The following NEMP2 variants were observed in gnomAD, a reference collection of about 807,000 sequenced individuals.
The protein encoded by NEMP2 is UPF0571 transmembrane protein.
NEMP2 carries 53 observed loss-of-function variants against 54.2 expected under a neutral mutation model. The observed-to-expected ratio is 0.98, with a 90% CI of 0.78 to 1.23. NEMP2 has a LOEUF of 1.23. Ranked by LOEUF, NEMP2 falls within the 50% of genes most tolerant of loss-of-function variation. The pLI is 0.00. For missense variants in NEMP2, 455 were observed against 511.3 expected, an observed-to-expected ratio of 0.89 and a Z score of 1.06; for synonymous variants, 197 against 190.3, an observed-to-expected ratio of 1.04 and a Z score of -0.29.
At chr2:190,478,112 T>A in the NEMP2 span, among the ~76,000 whole-genome samples, 1,849 of 152,294 alleles carry the variant, frequency 0.012, 37 homozygotes, top group African/African-American at 0.042. Flanking sequence ...TATCCCAGGA[T>A]TTAGGGAGCT....
the NEMP2 span, among the ~76,000 whole-genome samples, chr2:190,475,796 A>G: frequency 6.6e-6 from 1 of 152,210 alleles, no homozygotes; most frequent in African/African-American, 2.4e-5. Context: ...GCATCACACT[A>G]CCTGACTTCA....
At chr2:190,462,234 T>C in the NEMP2 span, among the ~76,000 whole-genome samples, 2,739 of 152,236 alleles carry the variant, frequency 0.018, 43 homozygotes, top group Non-Finnish European at 0.028. The surrounding 1 kb of genome is among the most constrained non-coding windows in gnomAD (Gnocchi z 5.7). Flanking sequence ...ATAACCATTG[T>C]TTTAAGAGAT....
chr2:190,463,776 C>T, the NEMP2 span: 20 of 648,302 alleles, frequency 3.1e-5, no homozygotes, highest in Middle Eastern at 7.8e-4. This position sits in a 1 kb window ranked among gnomAD's most constrained non-coding sequence, Gnocchi z 4.4. Context: ...GCTGTGATGA[C>T]GCTACTGCAC....
At chr2:190,500,066 C>G, downstream of NEMP2, 1 of 1,614,190 alleles carries the variant, frequency 6.2e-7, no homozygotes, top group East Asian at 2.2e-5. This position sits in a 1 kb window ranked among gnomAD's most constrained non-coding sequence, Gnocchi z 5.3. Context: ...CCAGCCTGTC[C>G]CATGTGAGAC....
chr2:190,505,827 G>C lies in NEMP2; in HGVS notation c.*3362C>G, dbSNP rs1243035700. The C allele has an allele frequency of 6.6e-6, 1 of 152,182 alleles. No homozygotes were observed. 9.4% of individuals were successfully genotyped at this position (152,182 alleles called of 1,614,324 possible). A position where few individuals can be genotyped will look rare whatever the true frequency, so the allele number is the denominator to read the frequency against. On this transcript the variant is annotated 3_prime_UTR_variant, in exon 9 of 9. Transcript: ENST00000409150. This position sits in a 1 kb window ranked among gnomAD's most constrained non-coding sequence, Gnocchi z 5.8. ...CAGGACCTGCATAAAGGAAGGCGTG[G>C]TCTTTGTCAACAGACCTGGTATCTC...
At chr2:190,532,148 G>C (rs955051805) in intron 1 of NEMP2, among the ~76,000 whole-genome samples, 4 of 152,222 alleles carry the variant, frequency 2.6e-5, no homozygotes, top group African/African-American at 9.6e-5. Flanking sequence ...GTCTTAACTT[G>C]TGAGAAGTCA....
chr2:190,623,925 C>A, the NEMP2 span, among the ~76,000 whole-genome samples: 1 of 152,192 alleles, frequency 6.6e-6, no homozygotes, highest in Non-Finnish European at 1.5e-5. Flanking sequence ...AACTATCCAT[C>A]TCACAAGGAA....
At chr2:190,437,445 G>C in the NEMP2 span, 2 of 1,614,200 alleles carry the variant, frequency 1.2e-6, no homozygotes, top group Non-Finnish European at 1.7e-6. This position sits in a 1 kb window ranked among gnomAD's most constrained non-coding sequence, Gnocchi z 5.9. Flanking sequence ...ACTGGCATTT[G>C]GAAGACCTCA....
the NEMP2 span, among the ~76,000 whole-genome samples, chr2:190,465,184 A>G: frequency 2.0e-5 from 3 of 152,320 alleles, no homozygotes; most frequent in Non-Finnish European, 2.9e-5. The surrounding 1 kb of genome is among the most constrained non-coding windows in gnomAD (Gnocchi z 4.6). Flanking sequence ...AGGATAAAAA[A>G]CGAGTGGCAG....
chr2:190,499,684 C>T (rs183471034), downstream of NEMP2: 8 of 823,058 alleles, frequency 9.7e-6, no homozygotes, highest in East Asian at 5.9e-5. The surrounding 1 kb of genome is among the most constrained non-coding windows in gnomAD (Gnocchi z 6.0). Flanking sequence ...GCTTGCCCAG[C>T]GACTTGCCAC....
the NEMP2 span, among the ~76,000 whole-genome samples, chr2:190,602,386 C>T: frequency 1.3e-5 from 2 of 152,204 alleles, no homozygotes; most frequent in Non-Finnish European, 2.9e-5. Context: ...AAATATCAGT[C>T]TTTGTACTTA....
rs747996696 is a variant in NEMP2 at position 190,525,372 on chromosome 2, C to G, written c.104G>C (p.Arg35Thr). ...ATCTTTTTCCTTCAAAGCTTTACACCTACGAACTGAGAGATGGAAAAGGGA... is the reference window on the plus strand; with the variant it reads ...ATCTTTTTCCTTCAAAGCTTTACACGTACGAACTGAGAGATGGAAAAGGGA... ...EAAAAALSVR[R>T]CKALKEKDLI... Residue 35 changes from arginine (R) to threonine (T), a missense_variant, in exon 2 of 9, where the codon AGG (arginine) becomes ACG (threonine). Around this residue, in one of 3 missense-constraint regions of NEMP2, gnomAD observed 100 missense variants for 80.2 expected, o/e 1.25. Transcript: ENST00000409150. The surrounding 1 kb of genome is among the most constrained non-coding windows in gnomAD (Gnocchi z 5.0). The G allele has an allele frequency of 2.0e-6, 3 of 1,513,114 alleles. No homozygotes were observed. The highest frequency in any genetic ancestry group is 2.7e-6 in the Non-Finnish European group (3 of 1,115,054). The allele number at this position is 1,513,114 out of a possible 1,614,324, so 93.7% of individuals were successfully genotyped here.
chr2:190,430,102 T>G, the NEMP2 span, among the ~76,000 whole-genome samples: 3 of 151,624 alleles, frequency 2.0e-5, no homozygotes, highest in Non-Finnish European at 4.4e-5. Flanking sequence ...TGGTGTTTGG[T>G]TTTCTGTCCT....
chr2:190,551,860 A>G, the NEMP2 span, among the ~76,000 whole-genome samples: 1 of 152,180 alleles, frequency 6.6e-6, no homozygotes, highest in African/African-American at 2.4e-5. Flanking sequence ...CTTGCCGTAT[A>G]AGATTTCCTG....
the NEMP2 span, among the ~76,000 whole-genome samples, chr2:190,613,660 C>T: frequency 6.6e-6 from 1 of 152,106 alleles, no homozygotes; most frequent in African/African-American, 2.4e-5. Flanking sequence ...AAGATCTTGG[C>T]TCACTGCAAC....
chr2:190,497,344 G>T, the NEMP2 span: 39 of 1,369,054 alleles, frequency 2.8e-5, no homozygotes, highest in Non-Finnish European at 3.7e-5. This position sits in a 1 kb window ranked among gnomAD's most constrained non-coding sequence, Gnocchi z 5.2. Flanking sequence ...TCTGGAATGG[G>T]TATATGGGAT....
At chr2:190,439,786 T>C in the NEMP2 span, among the ~76,000 whole-genome samples, 9 of 152,390 alleles carry the variant, frequency 5.9e-5, no homozygotes, top group East Asian at 9.6e-4. This position sits in a 1 kb window ranked among gnomAD's most constrained non-coding sequence, Gnocchi z 5.8. Flanking sequence ...TTTACCTGTT[T>C]TGAATTTTCA....
chr2:190,541,618 T>G, the NEMP2 span, among the ~76,000 whole-genome samples: 1 of 152,232 alleles, frequency 6.6e-6, no homozygotes, highest in African/African-American at 2.4e-5. The surrounding 1 kb of genome is among the most constrained non-coding windows in gnomAD (Gnocchi z 5.2). Context: ...GTTAGTAGAT[T>G]GCACACCACA....
At chr2:190,489,472 A>T in the NEMP2 span, among the ~76,000 whole-genome samples, 9 of 152,226 alleles carry the variant, frequency 5.9e-5, no homozygotes, top group Non-Finnish European at 1.3e-4. This position sits in a 1 kb window ranked among gnomAD's most constrained non-coding sequence, Gnocchi z 6.6. Flanking sequence ...GTCTTTTCAT[A>T]TGAAGAGGAG....
Sources: allele counts gnomAD v4.1 joint callset (sites outside exome capture counted in the v4.1 genomes callset), GRCh38; gene constraint gnomAD v4.1.1; regional missense constraint gnomAD v4.1.1; non-coding constraint Gnocchi (gnomAD v3.1); transcripts MANE v1.5; gene names NCBI Gene and HGNC (gene_info 2026-07-23, HGNC 2026-07-21).